The following DIS3L2 variants were observed in gnomAD, a reference collection of about 807,000 sequenced individuals.
The protein encoded by DIS3L2 is DIS3-like exonuclease 2.
Under a neutral mutation model 97.5 loss-of-function variants are expected in DIS3L2, and 34 were observed. The observed-to-expected ratio is 0.35, with a 90% CI of 0.27 to 0.46. DIS3L2 has a LOEUF of 0.46. DIS3L2 is among the 20% of genes least tolerant of loss of function. DIS3L2 has a pLI of 1.00. For synonymous variants in DIS3L2, 435 were observed against 445.2 expected (o/e 0.98, Z 0.29); for missense variants, 1,038 against 1,146.0 (o/e 0.91, Z 1.36).
intron 6 of DIS3L2, among the ~76,000 whole-genome samples, chr2:232,123,022 A>C (rs1212102627): frequency 2.6e-5 from 4 of 152,308 alleles, no homozygotes; most frequent in Non-Finnish European, 4.4e-5. Context: ...AGAGCTGTTG[A>C]TCATTAGGCA....
chr2:232,045,940 G>C (rs1309511639), intron 5 of DIS3L2, among the ~76,000 whole-genome samples: 3 of 152,044 alleles, frequency 2.0e-5, no homozygotes, highest in Non-Finnish European at 4.4e-5. Context: ...CTCCCAAAGT[G>C]CTGGGATTAC....
intron 13 of DIS3L2, among the ~76,000 whole-genome samples, chr2:232,342,434 C>T (rs994566718): frequency 2.6e-5 from 4 of 151,996 alleles, no homozygotes; most frequent in Non-Finnish European, 5.9e-5. Context: ...AGGAGGGAGA[C>T]GGAACTGCTG....
intron 1 of DIS3L2, among the ~76,000 whole-genome samples, chr2:231,964,986 A>C (rs1005378339): frequency 2.0e-5 from 3 of 152,236 alleles, no homozygotes; most frequent in Non-Finnish European, 2.9e-5. Flanking sequence ...TTTGGGAAAT[A>C]GTTCCATGTG....
At chr2:232,023,657 ATGAAGT>A (rs1694578697) in intron 3 of DIS3L2, among the ~76,000 whole-genome samples, 2 of 152,172 alleles carry the variant, frequency 1.3e-5, no homozygotes, top group Non-Finnish European at 2.9e-5. Flanking sequence ...CTGGAATAAC[ATGAAGT>A]TGAAGGCAGA....
intron 5 of DIS3L2, among the ~76,000 whole-genome samples, chr2:232,047,816 T>C (rs1031406915): frequency 6.6e-6 from 1 of 152,252 alleles, no homozygotes; most frequent in Non-Finnish European, 1.5e-5. Flanking sequence ...AATAGAATTG[T>C]ACAATATTTG....
intron 6 of DIS3L2, among the ~76,000 whole-genome samples, chr2:232,097,856 G>A (rs76882526): frequency 0.016 from 2,452 of 152,288 alleles, 39 homozygotes; most frequent in South Asian, 0.04. Flanking sequence ...AGAATATGCT[G>A]TGTCTAACCT....
In DIS3L2 at chr2:232,292,463, C is replaced by T. The variant is rs1694628433; in HGVS notation, c.1660-7577C>T. Among the ~76,000 whole-genome samples the T allele has an allele frequency of 6.6e-6, 1 of 152,198 alleles. No homozygotes were observed. The highest frequency in any genetic ancestry group is 1.5e-5 in the Non-Finnish European group (1 of 68,032). On this transcript the variant is annotated intron_variant, in intron 13 of 20. Coordinates refer to ENST00000325385, the MANE Select transcript of DIS3L2 (RefSeq NM_152383.5). This position sits in a 1 kb window ranked among gnomAD's most constrained non-coding sequence, Gnocchi z 4.4. ...GAAGGAGGGCCTCTCAAAGGCCCAA[C>T]AACCCCAACAGGGCCTGCATCCCAT...
In DIS3L2 at chr2:232,067,499, A is replaced by G. The variant is rs949878067; in HGVS notation, c.367-19988A>G. ...TTTAATTGTGTTATAGTCAGAGGGC[A>G]TACTCTGCAAGATATCAAGCTCTTG... On this transcript the variant is annotated intron_variant, in intron 5 of 20. Coordinates refer to ENST00000325385, the MANE Select transcript of DIS3L2 (RefSeq NM_152383.5). Among the ~76,000 whole-genome samples the G allele has an allele frequency of 9.2e-5, 14 of 152,284 alleles. 1 individual carries two copies. Among genetic ancestry groups the G allele is most frequent in the Admixed American group, 8.5e-4 (13 of 15,294 alleles).
rs1281407088 is a variant in DIS3L2, at chr2:232,158,319, G to A, written c.951-5140G>A. ...CCTCCTTTATATCGTGTGTGTGTGT[G>A]TGTGTGTGTGTGTGTGCATGTGTGT... On this transcript the variant is annotated intron_variant, in intron 8 of 20. Coordinates refer to ENST00000325385, the MANE Select transcript of DIS3L2 (RefSeq NM_152383.5). Among the ~76,000 whole-genome samples the A allele has an allele frequency of 7.8e-5, 11 of 141,688 alleles. No homozygotes were observed. In the East Asian group the frequency reaches 1.9e-3, roughly 25 times the overall value. The allele number at this position is 141,688 out of a possible 152,430, so 93.0% of individuals were successfully genotyped here. A position where few individuals can be genotyped will look rare whatever the true frequency, so the allele number is the denominator to read the frequency against.
At chr2:232,321,198 C>T (rs1695421571) in intron 14 of DIS3L2, among the ~76,000 whole-genome samples, 2 of 152,144 alleles carry the variant, frequency 1.3e-5, no homozygotes, top group Non-Finnish European at 2.9e-5. Context: ...TGCGGGGGGC[C>T]AGGGAGTGTG....
chr2:232,197,525 A>G (rs1011605583), intron 9 of DIS3L2, among the ~76,000 whole-genome samples: 2 of 152,190 alleles, frequency 1.3e-5, no homozygotes, highest in East Asian at 3.8e-4. Context: ...TTTCAGGTTG[A>G]GGATGGGAAG....
At chr2:232,326,864 A>G (rs544542853) in intron 14 of DIS3L2, among the ~76,000 whole-genome samples, 5 of 152,176 alleles carry the variant, frequency 3.3e-5, no homozygotes, top group Non-Finnish European at 5.9e-5. Flanking sequence ...AAGGTCACCA[A>G]GAGTGCACTT....
chr2:232,049,768 A>G (rs1695349558), intron 5 of DIS3L2, among the ~76,000 whole-genome samples: 1 of 152,098 alleles, frequency 6.6e-6, no homozygotes, highest in Non-Finnish European at 1.5e-5. Context: ...TGTTGGTTTT[A>G]TCATCTTCAG....
chr2:232,203,848 T>A (rs995613870), intron 9 of DIS3L2, among the ~76,000 whole-genome samples: 1 of 152,084 alleles, frequency 6.6e-6, no homozygotes, highest in Admixed American at 6.5e-5. Flanking sequence ...GCAAGGTAGG[T>A]CTTAGACATT....
intron 1 of DIS3L2, among the ~76,000 whole-genome samples, chr2:231,980,336 G>T (rs532383890): frequency 1.3e-5 from 2 of 152,252 alleles, no homozygotes; most frequent in Non-Finnish European, 2.9e-5. Flanking sequence ...CTCATTGGCT[G>T]TAATTATATC....
chr2:232,303,500 T>C (rs921134817), intron 14 of DIS3L2, among the ~76,000 whole-genome samples: 1 of 152,228 alleles, frequency 6.6e-6, no homozygotes, highest in Non-Finnish European at 1.5e-5. Context: ...AACTGATTAT[T>C]GAAACTACTG....
Position 232,329,805 on chromosome 2 carries a change from C to A in DIS3L2, c.1740-8C>A. On this transcript the variant is annotated splice_region_variant and splice_polypyrimidine_tract_variant and intron_variant, in intron 14 of 20. Coordinates refer to ENST00000325385, the MANE Select transcript of DIS3L2 (RefSeq NM_152383.5). Reference sequence around the variant, plus strand: ...AGCGGTCCCTCCCATCCCACCCACCCTCTGCAGGCTCGTGGAGGAGTTCAT... The same window carrying A: ...AGCGGTCCCTCCCATCCCACCCACCATCTGCAGGCTCGTGGAGGAGTTCAT... 1 of 1,410,240 alleles carries A rather than the reference C, an allele frequency of 7.1e-7. No individual in the cohort carries two copies. Among genetic ancestry groups the A allele is most frequent in the Non-Finnish European group, 9.3e-7 (1 of 1,070,740 alleles). The allele number at this position is 1,410,240 out of a possible 1,614,324, so 87.4% of individuals were successfully genotyped here. A position where few individuals can be genotyped will look rare whatever the true frequency, so the allele number is the denominator to read the frequency against.
intron 1 of DIS3L2, chr2:231,978,505 A>C (rs1167998434): frequency 1.3e-5 from 2 of 152,212 alleles, no homozygotes; most frequent in South Asian, 2.1e-4. Context: ...TAGACGTATA[A>C]GTTTATTTTG....
At chr2:232,220,715 G>T (rs775618690) in intron 10 of DIS3L2, among the ~76,000 whole-genome samples, 1 of 151,728 alleles carries the variant, frequency 6.6e-6, no homozygotes, top group Non-Finnish European at 1.5e-5. Flanking sequence ...TAAAACAAAA[G>T]AAAAGAAATA....
Sources: gnomAD v4.1 joint callset for allele counts (sites outside exome capture counted in the v4.1 genomes callset) on GRCh38, gnomAD v4.1.1 for gene constraint, Gnocchi (gnomAD v3.1) non-coding constraint, MANE v1.5 for transcripts, NCBI Gene and HGNC (gene_info 2026-07-23, HGNC 2026-07-21) for gene names.